Variants in PLPBP observed in about 807,000 individuals in gnomAD.
PLPBP encodes pyridoxal phosphate homeostasis protein.
A neutral mutation model predicts 31.2 loss-of-function variants in PLPBP; 21 were observed. The observed-to-expected ratio is 0.67, with a 90% CI of 0.48 to 0.97. The LOEUF (loss-of-function observed/expected upper bound fraction) is 0.97, where lower values mean the gene tolerates loss of function less well. PLPBP is among the 50% of genes least tolerant of loss of function. The pLI, the probability that PLPBP is intolerant of heterozygous loss-of-function variation, is 0.00. For missense variants in PLPBP, 308 were observed against 354.4 expected, an observed-to-expected ratio of 0.87 and a Z score of 1.05; for synonymous variants, 124 against 135.6, an observed-to-expected ratio of 0.91 and a Z score of 0.59.
chr8:37,776,084 A>G, intron 7 of PLPBP, 68 bp downstream of exon 7: 1 of 1,424,238 alleles, frequency 7.0e-7, no homozygotes, highest in Non-Finnish European at 9.8e-7. Flanking sequence ...GGCTGACACA[A>G]GAGCAGATCT....
At chr8:37,777,097 C>T (rs1276253391) in intron 7 of PLPBP, among the ~76,000 whole-genome samples, 3 of 152,010 alleles carry the variant, frequency 2.0e-5, no homozygotes, top group Non-Finnish European at 4.4e-5. Context: ...GATTCACCAA[C>T]AATCTTATAT....
rs536312387 is a variant in PLPBP, at chr8:37,772,579, C to T, written c.320-176C>T. 5.3e-5 allele frequency among the ~76,000 whole-genome samples: 8 copies of T among 152,292 alleles called. No individual in the cohort carries two copies. In the South Asian group the frequency reaches 1.7e-3, roughly 32 times the overall value. On this transcript the variant is annotated intron_variant, in intron 4 of 7. Coordinates refer to ENST00000328195, the MANE Select transcript of PLPBP (RefSeq NM_007198.4). The stretch of plus-strand genomic sequence containing the variant: ...TGCTGATTAGCCAGGGATGGTCTGA[C>T]ATTTGAATTTGTATCTAGTAAAACT...
At chr8:37,777,757 G>C (rs891418772) in intron 7 of PLPBP, among the ~76,000 whole-genome samples, 2 of 152,098 alleles carry the variant, frequency 1.3e-5, no homozygotes, top group Non-Finnish European at 2.9e-5. Context: ...ATTTTTAATA[G>C]AGACAGGGTT....
intron 4 of PLPBP, chr8:37,766,696 C>T (rs1803638791): frequency 1.1e-6 from 1 of 890,646 alleles, no homozygotes; most frequent in Non-Finnish European, 1.4e-6. Flanking sequence ...TAAAAGGCTA[C>T]AGTAAATAAA....
At chr8:37,770,002 A>T (rs1220134977) in intron 4 of PLPBP, among the ~76,000 whole-genome samples, 1 of 152,228 alleles carries the variant, frequency 6.6e-6, no homozygotes, top group Non-Finnish European at 1.5e-5. Context: ...ACATGAAAAA[A>T]TGGAAAGATA....
intron 1 of PLPBP, 52 bp from the exon 2 acceptor site, chr8:37,765,474 T>C (rs375953404): frequency 7.9e-6 from 12 of 1,517,478 alleles, no homozygotes; most frequent in Admixed American, 5.0e-5. Flanking sequence ...ATGGGATTCA[T>C]TGGGGTACTG....
Position 37,778,192 on chromosome 8 carries a change from GT to G in PLPBP, c.*89del. The G allele has an allele frequency of 6.8e-7, 1 of 1,479,110 alleles. No individual in the cohort carries two copies. The highest frequency in any genetic ancestry group is 9.2e-7 in the Non-Finnish European group (1 of 1,083,396). The allele number at this position is 1,479,110 out of a possible 1,614,324, so 91.6% of individuals were successfully genotyped here. A position where few individuals can be genotyped will look rare whatever the true frequency, so the allele number is the denominator to read the frequency against. Reference sequence around the variant, plus strand: ...TGTCCCAGCGCAGTCCTGCTCTCCTGTGACCTGTGGAGAGCACTAATGATCA... The same window carrying G: ...TGTCCCAGCGCAGTCCTGCTCTCCTGGACCTGTGGAGAGCACTAATGATCA... On this transcript the variant is annotated 3_prime_UTR_variant, in exon 8 of 8. Coordinates refer to ENST00000328195, the MANE Select transcript of PLPBP (RefSeq NM_007198.4).
chr8:37,773,846 T>C (rs146976931), intron 5 of PLPBP, among the ~76,000 whole-genome samples: 2 of 152,114 alleles, frequency 1.3e-5, no homozygotes, highest in African/African-American at 4.8e-5. Flanking sequence ...TTTTAAGACC[T>C]AAGATTATAT....
intron 1 of PLPBP, among the ~76,000 whole-genome samples, chr8:37,764,071 CT>C (rs111913973): frequency 0.044 from 5,622 of 126,852 alleles, 276 homozygotes; most frequent in African/African-American, 0.14. Context: ...TCTTTTCTTT[CT>C]TTTTTTTTTT....
chr8:37,778,012 A>G lies in PLPBP; in HGVS notation c.736A>G (p.Ile246Val), dbSNP rs761829551. The change falls in exon 8 of 8, where the codon ATT becomes GTT. Residue 246 changes from isoleucine (I) to valine (V), a missense_variant. By Grantham distance (29) the Ile-to-Val change is conservative. This residue lies in a region of PLPBP where 188 missense variants were observed against 259.3 expected (regional missense o/e 0.73). Coordinates refer to ENST00000328195, the MANE Select transcript of PLPBP (RefSeq NM_007198.4). ...GSTNVRIGSTIFGERDYSKKP... is the reference protein window; with the variant it reads ...GSTNVRIGSTVFGERDYSKKP... ...TACAAATGTCCGAATAGGAAGCACGATTTTTGGAGAGCGGGATTACTCAAA... is the reference window on the plus strand; with the variant it reads ...TACAAATGTCCGAATAGGAAGCACGGTTTTTGGAGAGCGGGATTACTCAAA... The G allele has an allele frequency of 1.2e-6, 2 of 1,613,710 alleles. No homozygotes were observed. The highest frequency in any genetic ancestry group is 1.7e-6 in the Non-Finnish European group (2 of 1,179,694).
Position 37,777,850 on chromosome 8 carries a change from C to T in PLPBP, c.697-123C>T, listed in dbSNP as rs544316393. On this transcript the variant is annotated intron_variant, in intron 7 of 7. Transcript: ENST00000328195. ...CCTCCCAAAATGCTGGGATTACAGG[C>T]GTGAGCCACCACGCCCCGTCCATAG... 1,195 of 1,137,682 alleles carry T rather than the reference C, an allele frequency of 1.1e-3. 1 individual carries two copies. Among genetic ancestry groups the T allele is most frequent in the Non-Finnish European group, 1.3e-3 (1,066 of 819,250 alleles). The allele number at this position is 1,137,682 out of a possible 1,614,324, so 70.5% of individuals were successfully genotyped here. A position where few individuals can be genotyped will look rare whatever the true frequency, so the allele number is the denominator to read the frequency against.
At chr8:37,767,718 A>G (rs1330745729) in intron 4 of PLPBP, among the ~76,000 whole-genome samples, 3 of 152,118 alleles carry the variant, frequency 2.0e-5, no homozygotes, top group Admixed American at 6.5e-5. Context: ...GAATGGCTGA[A>G]TCACAAGTTA....
At chr8:37,762,606 T>TG (rs1204955785), upstream of PLPBP, 15 of 1,533,882 alleles carry the variant, frequency 9.8e-6, no homozygotes, top group African/African-American at 1.4e-5. Flanking sequence ...AACCGGAAGA[T>TG]GGTGTGAGCC....
intron 1 of PLPBP, among the ~76,000 whole-genome samples, chr8:37,764,308 GT>G (rs1803565401): frequency 2.0e-5 from 3 of 151,130 alleles, no homozygotes; most frequent in African/African-American, 4.9e-5. Flanking sequence ...GTTTCATTAT[GT>G]TGGCCAGACT....
At chr8:37,777,872 A>G in intron 7 of PLPBP, 101 bp from the exon 8 acceptor site, 1 of 1,380,032 alleles carries the variant, frequency 7.2e-7, no homozygotes, top group Non-Finnish European at 9.9e-7. Flanking sequence ...CGCCCCGTCC[A>G]TAGAAGGCTC....
intron 1 of PLPBP, among the ~76,000 whole-genome samples, chr8:37,763,319 T>C (rs1803533545): frequency 6.6e-6 from 1 of 152,154 alleles, no homozygotes; most frequent in South Asian, 2.1e-4. Context: ...TTTCGTCTTT[T>C]GTGTATATAT....
At chr8:37,773,966 T>C (rs886118828) in intron 5 of PLPBP, among the ~76,000 whole-genome samples, 2 of 152,080 alleles carry the variant, frequency 1.3e-5, no homozygotes, top group Non-Finnish European at 2.9e-5. Context: ...ATCCCAGCAC[T>C]TGGGAAGGCT....
intron 7 of PLPBP, among the ~76,000 whole-genome samples, chr8:37,776,665 TAAG>T (rs1311623879): frequency 1.3e-5 from 2 of 151,980 alleles, no homozygotes; most frequent in Non-Finnish European, 2.9e-5. Flanking sequence ...TAAAGGAAAA[TAAG>T]AAATTAAGCT....
chr8:37,767,705 A>C (rs1803670678), intron 4 of PLPBP, among the ~76,000 whole-genome samples: 1 of 152,082 alleles, frequency 6.6e-6, no homozygotes, highest in African/African-American at 2.4e-5. Context: ...ATATATAGGA[A>C]TAGAATGGCT....
Sources: allele counts gnomAD v4.1 joint callset (sites outside exome capture counted in the v4.1 genomes callset), GRCh38; gene constraint gnomAD v4.1.1; regional missense constraint gnomAD v4.1.1; transcripts MANE v1.5; gene names NCBI Gene and HGNC (gene_info 2026-07-23, HGNC 2026-07-21).